Variants in MPPED2 observed in about 807,000 individuals in gnomAD.
MPPED2 encodes the protein metallophosphoesterase MPPED2.
A neutral mutation model predicts 33.0 loss-of-function variants in MPPED2; 5 were observed. The ratio of observed to expected loss-of-function variants is 0.15; its 90% confidence interval spans 0.08 to 0.32. The LOEUF (loss-of-function observed/expected upper bound fraction) is 0.32. Among genes scored for constraint, MPPED2 ranks in the 10% least tolerant of loss-of-function variants. The probability of loss-of-function intolerance (pLI) is 1.00; values close to 1 mark genes in which losing one functional copy is unlikely to be tolerated. For missense variants in MPPED2, 275 were observed against 372.1 expected, an observed-to-expected ratio of 0.74 and a Z score of 2.15; for synonymous variants, 136 against 141.9, an observed-to-expected ratio of 0.96 and a Z score of 0.29.
chr11:30,444,945 GATA>G, intron 4 of MPPED2, among the ~76,000 whole-genome samples: 1 of 152,258 alleles, frequency 6.6e-6, no homozygotes. Flanking sequence ...TCCACATTGG[GATA>G]AAAGAACAGG....
downstream of MPPED2, among the ~76,000 whole-genome samples, chr11:30,406,440 AC>A (rs1947990026): frequency 6.6e-6 from 1 of 152,174 alleles, no homozygotes; most frequent in African/African-American, 2.4e-5. Context: ...CCAGAGGCTG[AC>A]TTTACTGGGG....
intron 4 of MPPED2, among the ~76,000 whole-genome samples, chr11:30,444,293 G>T: frequency 6.6e-6 from 1 of 152,106 alleles, no homozygotes; most frequent in East Asian, 1.9e-4. Flanking sequence ...GCTCGGGGCA[G>T]GGTTGTCACT....
At chr11:30,447,298 C>A (rs1949855512) in intron 4 of MPPED2, among the ~76,000 whole-genome samples, 1 of 152,228 alleles carries the variant, frequency 6.6e-6, no homozygotes, top group African/African-American at 2.4e-5. Flanking sequence ...CCCAAACCCA[C>A]AGTAGCCCAT....
intron 4 of MPPED2, among the ~76,000 whole-genome samples, chr11:30,435,007 C>G (rs1214052072): frequency 6.6e-6 from 1 of 152,200 alleles, no homozygotes; most frequent in Non-Finnish European, 1.5e-5. Flanking sequence ...TCTTCTCCTT[C>G]AAATTTGCTA....
chr11:30,562,312 A>C (rs532696406), intron 2 of MPPED2, among the ~76,000 whole-genome samples: 1 of 152,304 alleles, frequency 6.6e-6, no homozygotes, highest in African/African-American at 2.4e-5. Context: ...ACTTGAGAAG[A>C]ACCAAAGGAC....
chr11:30,479,603 T>A (rs541668170), intron 4 of MPPED2, among the ~76,000 whole-genome samples: 1 of 151,806 alleles, frequency 6.6e-6, no homozygotes, highest in Non-Finnish European at 1.5e-5. Flanking sequence ...AAGGTTTGAT[T>A]TTGAGGATAG....
At chr11:30,569,325 C>T (rs1956591912) in intron 2 of MPPED2, among the ~76,000 whole-genome samples, 1 of 152,126 alleles carries the variant, frequency 6.6e-6, no homozygotes, top group Non-Finnish European at 1.5e-5. Flanking sequence ...ATACCCAAGC[C>T]TTTACATGTA....
At position 30,465,751 on chromosome 11, in the gene MPPED2, T is replaced by G. The variant is rs575186127; in HGVS notation, c.536+29545A>C. The stretch of plus-strand genomic sequence containing the variant: ...CCTTGAACAACACAGGTTTGAACTG[T>G]GTGGGTCCACTTATACACGGATTTT... On this transcript the variant is annotated intron_variant, in intron 4 of 6. Coordinates refer to ENST00000358117, the MANE Select transcript of MPPED2 (RefSeq NM_001584.3). Among the ~76,000 whole-genome samples the G allele has an allele frequency of 1.4e-4, 22 of 152,364 alleles. No individual in the cohort carries two copies. In the East Asian group the frequency reaches 4.2e-3, roughly 29 times the overall value.
At chr11:30,477,080 C>T (rs549562624) in intron 4 of MPPED2, among the ~76,000 whole-genome samples, 1 of 152,150 alleles carries the variant, frequency 6.6e-6, no homozygotes, top group Admixed American at 6.6e-5. Flanking sequence ...CATCCCATAA[C>T]CTCATTCTTA....
At chr11:30,523,754 A>G (rs192306765) in intron 3 of MPPED2, among the ~76,000 whole-genome samples, 1 of 151,710 alleles carries the variant, frequency 6.6e-6, no homozygotes, top group Admixed American at 6.6e-5. Context: ...CAGCCTCCCA[A>G]GTAGCTGGGA....
chr11:30,446,441 A>C (rs1168109772), intron 4 of MPPED2, among the ~76,000 whole-genome samples: 1 of 152,180 alleles, frequency 6.6e-6, no homozygotes, highest in East Asian at 1.9e-4. Context: ...AGATGTTAGT[A>C]GGCATGCTTT....
intron 4 of MPPED2, among the ~76,000 whole-genome samples, chr11:30,443,480 A>T (rs1262807812): frequency 6.6e-6 from 1 of 151,810 alleles, no homozygotes; most frequent in Admixed American, 6.6e-5. Flanking sequence ...TCACTTTCTC[A>T]TTGTAGGAGG....
chr11:30,425,038 G>A (rs563996490), intron 4 of MPPED2, among the ~76,000 whole-genome samples: 2 of 152,262 alleles, frequency 1.3e-5, no homozygotes, highest in South Asian at 2.1e-4. Flanking sequence ...CTACGACTTT[G>A]TAGCTTGGTC....
At chr11:30,539,734 C>T (rs1955000946) in intron 2 of MPPED2, among the ~76,000 whole-genome samples, 1 of 152,158 alleles carries the variant, frequency 6.6e-6, no homozygotes, top group Non-Finnish European at 1.5e-5. Context: ...AATCCTCCCA[C>T]CGCAGCTTCC....
At chr11:30,488,217 T>C (rs1951826337) in intron 4 of MPPED2, among the ~76,000 whole-genome samples, 1 of 152,198 alleles carries the variant, frequency 6.6e-6, no homozygotes, top group African/African-American at 2.4e-5. Context: ...TAGTAATACA[T>C]ACCCTGGTTA....
chr11:30,583,134 CT>C (rs199611856), intron 1 of MPPED2, among the ~76,000 whole-genome samples: 106 of 96,650 alleles, frequency 1.1e-3, no homozygotes, highest in African/African-American at 3.1e-3. Flanking sequence ...AAGACTTTTT[CT>C]TTTTTTTTTT....
rs1554919022 is a variant in MPPED2, at chr11:30,583,134, C to CTTTTTTTCTTTTTTTTTTTTTTTTTTTT, written c.-121-2641_-121-2640insAAAAAAAAAAAAAAAAAAAAGAAAAAAA. Among the ~76,000 whole-genome samples, 231 of 96,606 alleles carry CTTTTTTTCTTTTTTTTTTTTTTTTTTTT rather than the reference C, an allele frequency of 2.4e-3. 18 individuals carry two copies. The highest frequency in any genetic ancestry group is 3.5e-3 in the East Asian group (13 of 3,732). 63.4% of individuals were successfully genotyped at this position (96,606 alleles called of 152,430 possible). On this transcript the variant is annotated intron_variant, in intron 1 of 6. Transcript: ENST00000358117. ...CACAAACACCTGGAAAAGACTTTTT[C>CTTTTTTTCTTTTTTTTTTTTTTTTTTTT]TTTTTTTTTTTTTTTTTTTTTTTTT...
chr11:30,536,001 G>T lies in MPPED2; in HGVS notation c.303C>A (p.Asp101Glu). ...GLPSEVKKFN[D>E]WLGNLPYEYK... Reference sequence around the variant, plus strand: ...AACGCAATCATTCCTTACCTAACCAGTCATTAAACTTCTTAACCTCTGAGG... The same window carrying T: ...AACGCAATCATTCCTTACCTAACCATTCATTAAACTTCTTAACCTCTGAGG... Residue 101 changes from aspartate to glutamate, a missense_variant, in exon 3 of 7, where the codon GAC becomes GAA. By Grantham distance (45) the Asp-to-Glu change is conservative. Transcript: ENST00000358117. The T allele has an allele frequency of 6.2e-7, 1 of 1,603,844 alleles. No individual in the cohort carries two copies. The highest frequency in any genetic ancestry group is 8.5e-7 in the Non-Finnish European group (1 of 1,176,030).
chr11:30,391,834 C>T (rs778655039), intron 6 of MPPED2, among the ~76,000 whole-genome samples: 5 of 152,124 alleles, frequency 3.3e-5, no homozygotes, highest in Non-Finnish European at 5.9e-5. Context: ...AAAGCCCCAA[C>T]ATTAGGCTTT....
Sources: allele counts gnomAD v4.1 joint callset (sites outside exome capture counted in the v4.1 genomes callset), GRCh38; gene constraint gnomAD v4.1.1; transcripts MANE v1.5; gene names NCBI Gene and HGNC (gene_info 2026-07-23, HGNC 2026-07-21).